MVP: variants seen among roughly 807,000 people sequenced by gnomAD.
The protein encoded by MVP is lung resistance-related protein.
A neutral mutation model predicts 83.5 loss-of-function variants in MVP; 62 were observed. That is an observed-to-expected ratio of 0.74 (90% CI 0.61 to 0.92). The LOEUF (loss-of-function observed/expected upper bound fraction) is 0.92. Among genes scored for constraint, MVP ranks in the 40% least tolerant of loss-of-function variants. The pLI is 0.00. For synonymous variants in MVP, 505 were observed against 504.1 expected, an observed-to-expected ratio of 1.00 and a Z score of -0.02; for missense variants, 1,000 against 1,203.4, an observed-to-expected ratio of 0.83 and a Z score of 2.50.
intron 3 of MVP, 154 bp from the exon 4 acceptor site, chr16:29,833,579 G>C: frequency 1.0e-6 from 1 of 960,854 alleles, no homozygotes; most frequent in Non-Finnish European, 1.5e-6. Context: ...CAAAGTTCTG[G>C]GATGACAGGT....
rs1464452908 is a variant in MVP, at chr16:29,833,715, C to T, written c.322-18C>T. ...CACAGCACTGATGGTTCTGTGTCTC[C>T]ACCTTCTTCCCCACTAGGACATCAC... On this transcript the variant is annotated intron_variant, in intron 3 of 14. Coordinates refer to ENST00000357402, the MANE Select transcript of MVP (RefSeq NM_005115.5). 2 of 1,613,750 alleles carry T rather than the reference C, an allele frequency of 1.2e-6. No homozygotes were observed. The highest frequency in any genetic ancestry group is 2.2e-5 in the South Asian group (2 of 91,050).
chr16:29,831,657 C>T (rs1020737422), intron 3 of MVP: 2 of 456,024 alleles, frequency 4.4e-6, no homozygotes, highest in Admixed American at 2.3e-5. Context: ...CCAGAGCCTA[C>T]CAGAAGTGCC....
chr16:29,840,282 G>A lies in MVP; in HGVS notation c.1014G>A (p.Gln338=). Residue 338 remains glutamine (Q), a synonymous_variant, in exon 8 of 15, where the codon CAG becomes CAA. Coordinates refer to ENST00000357402, the MANE Select transcript of MVP (RefSeq NM_005115.5). The part of the protein sequence containing the change: ...EQQGLLLRAL[Q]PLEEGEDEEK... ...AGGGGCTGCTGCTGAGGGCCCTGCA[G>A]CCCCTGGAGGAGGGGGAGGATGAGG... 1 of 1,613,812 alleles carries A rather than the reference G, an allele frequency of 6.2e-7. No homozygotes were observed. Among genetic ancestry groups the A allele is most frequent in the Non-Finnish European group, 8.5e-7 (1 of 1,179,894 alleles).
chr16:29,843,969 G>A (rs370152011), intron 10 of MVP, among the ~76,000 whole-genome samples: 3 of 151,990 alleles, frequency 2.0e-5, no homozygotes, highest in Admixed American at 6.6e-5. Context: ...CCCTGATGGC[G>A]GCAGACAGCT....
intron 1 of MVP, among the ~76,000 whole-genome samples, chr16:29,826,348 C>T (rs1415738784): frequency 6.6e-6 from 1 of 152,182 alleles, no homozygotes; most frequent in Non-Finnish European, 1.5e-5. Flanking sequence ...ATCCAGGCAT[C>T]CTGGCTGGGT....
rs1204901850 is a variant in MVP, at chr16:29,830,646, A to G, written c.97A>G (p.Lys33Glu). The part of the protein sequence containing the change: ...SNVSRVEVGP[K>E]TYIRQDNERV... Reference sequence around the variant, plus strand: ...CGTGTCCCGTGTGGAGGTCGGGCCAAAGACCTACATCCGGCAGGACAATGA... The same window carrying G: ...CGTGTCCCGTGTGGAGGTCGGGCCAGAGACCTACATCCGGCAGGACAATGA... The change falls in exon 2 of 15, where the codon AAG becomes GAG. Residue 33 changes from lysine (K) to glutamate (E), a missense_variant. By Grantham distance (56) the Lys-to-Glu change is moderately conservative. Coordinates refer to ENST00000357402, the MANE Select transcript of MVP (RefSeq NM_005115.5). 5 of 1,613,354 alleles carry G rather than the reference A, an allele frequency of 3.1e-6. No individual in the cohort carries two copies. The African/African-American group carries it at 6.7e-5, about 22-fold the overall frequency.
chr16:29,844,828 G>A lies in MVP; in HGVS notation c.1970G>A (p.Ser657Asn). Residue 657 changes from serine (S) to asparagine (N), a missense_variant, in exon 11 of 15, where the codon AGC (serine) becomes AAC (asparagine). Transcript: ENST00000357402. ...DQRTRDALQR[S>N]VQLAIEITTN... ...AGGACCCGGGACGCCCTGCAACGCA[G>A]CGTCCAGCTGGCCATCGAGATCACC... 6.2e-7 allele frequency: 1 copy of A among 1,607,124 alleles called. No homozygotes were observed. Among genetic ancestry groups the A allele is most frequent in the Non-Finnish European group, 8.5e-7 (1 of 1,179,926 alleles).
rs199670990 is a variant in MVP at position 29,840,233 on chromosome 16, A to T, written c.965A>T (p.Asp322Val). The change falls in exon 8 of 15, where the codon GAT (aspartate) becomes GTT (valine). Residue 322 changes from aspartate (D) to valine (V), a missense_variant. Transcript: ENST00000357402. ...GAGCAGCTGGAACAAGGCATCCAGGATGTGTATGTGCTGTCGGAGCAGCAG... is the reference window on the plus strand; with the variant it reads ...GAGCAGCTGGAACAAGGCATCCAGGTTGTGTATGTGCTGTCGGAGCAGCAG... ...PGEQLEQGIQ[D>V]VYVLSEQQGL... 55 of 1,613,662 alleles carry T rather than the reference A, an allele frequency of 3.4e-5. No individual in the cohort carries two copies. Among genetic ancestry groups the T allele is most frequent in the Non-Finnish European group, 4.4e-5 (52 of 1,179,904 alleles).
chr16:29,838,947 G>A (rs965009400), intron 7 of MVP, among the ~76,000 whole-genome samples: 1 of 152,190 alleles, frequency 6.6e-6, no homozygotes. Context: ...AACACTTTAG[G>A]AGGCTGAGGT....
intron 8 of MVP, among the ~76,000 whole-genome samples, chr16:29,840,707 C>T (rs1349825228): frequency 7.2e-5 from 11 of 152,028 alleles, no homozygotes. Flanking sequence ...TTTGGGAGGC[C>T]GAGGCGGGCG....
In MVP at chr16:29,831,057, G is replaced by A. The variant is rs763814505; in HGVS notation, c.305G>A (p.Gly102Glu). ...CAGGACCCCTTCCCCCTGTACCCAG[G>A]GGAGGTGCTGGAAAAGGTACCTGGT... ...LAQDPFPLYP[G>E]EVLEKDITPL... The change falls in exon 3 of 15, where the codon GGG becomes GAG. Residue 102 changes from glycine (G) to glutamate (E), a missense_variant. Gly to Glu is a moderately conservative substitution (Grantham distance 98, BLOSUM62 -2). Transcript: ENST00000357402. 1 of 1,612,314 alleles carries A rather than the reference G, an allele frequency of 6.2e-7. No individual in the cohort carries two copies. Among genetic ancestry groups the A allele is most frequent in the Admixed American group, 1.7e-5 (1 of 59,986 alleles).
chr16:29,847,603 TG>T (rs2067596883), intron 14 of MVP, among the ~76,000 whole-genome samples, 158 bp from the exon 15 acceptor site: 1 of 152,072 alleles, frequency 6.6e-6, no homozygotes, highest in South Asian at 2.1e-4. Context: ...AGACAGGAAA[TG>T]GATGGGACGC....
At chr16:29,839,925 C>T (rs992885818) in intron 7 of MVP, among the ~76,000 whole-genome samples, 1 of 151,708 alleles carries the variant, frequency 6.6e-6, no homozygotes, top group Middle Eastern at 3.4e-3. Flanking sequence ...AATGGTTTAG[C>T]TTGCGTGGAT....
At position 29,836,900 on chromosome 16, in the gene MVP, T is replaced by TTC. The variant is rs1414867463; in HGVS notation, c.854_855dup (p.Asp286SerfsTer50). 1 of 1,614,066 alleles carries TTC rather than the reference T, an allele frequency of 6.2e-7. No individual in the cohort carries two copies. The highest frequency in any genetic ancestry group is 8.5e-7 in the Non-Finnish European group (1 of 1,179,996). On this transcript the variant is annotated frameshift_variant, in exon 7 of 15. Transcript: ENST00000357402. LOFTEE classifies it high-confidence loss of function. Reference sequence around the variant, plus strand: ...CTGGGCCCCCACAACTACTGCGTGATTCTCGACCCTGTCGGACCGGATGGC... The same window carrying TTC: ...CTGGGCCCCCACAACTACTGCGTGATTCTCTCGACCCTGTCGGACCGGATGGC...
intron 1 of MVP, among the ~76,000 whole-genome samples, chr16:29,821,797 T>C (rs2067363566): frequency 1.3e-5 from 2 of 152,330 alleles, no homozygotes; most frequent in South Asian, 4.1e-4. Flanking sequence ...TGGCACAGAT[T>C]AAGCTCATCT....
chr16:29,844,362 G>T, intron 10 of MVP, 131 bp from the exon 11 acceptor site: 1 of 1,222,218 alleles, frequency 8.2e-7, no homozygotes, highest in Middle Eastern at 2.6e-4. Context: ...ACTTTGGGAG[G>T]CTGAGGTTGG....
At chr16:29,833,629 A>G in intron 3 of MVP, 104 bp from the exon 4 acceptor site, 1 of 1,503,410 alleles carries the variant, frequency 6.7e-7, no homozygotes, top group Non-Finnish European at 9.1e-7. Flanking sequence ...GTCTTATTTC[A>G]GGACATACAG....
intron 1 of MVP, among the ~76,000 whole-genome samples, chr16:29,826,686 G>C (rs1321434397): frequency 6.6e-6 from 1 of 151,532 alleles, no homozygotes; most frequent in Non-Finnish European, 1.5e-5. Context: ...ACTTTGGGAG[G>C]CCGAGGCGGG....
Position 29,845,862 on chromosome 16 carries a change from G to A in MVP, c.2022-1G>A, listed in dbSNP as rs2067580065. ...TCTCACCTGCGCTCCGTCTCCTCCA[G>A]GCATGAGGCTCAGAGACTGGAGCAG... On this transcript the variant is annotated splice_acceptor_variant, in intron 11 of 14. Coordinates refer to ENST00000357402, the MANE Select transcript of MVP (RefSeq NM_005115.5). LOFTEE classifies it high-confidence loss of function. 6.2e-7 allele frequency: 1 copy of A among 1,613,672 alleles called. No homozygotes were observed. The highest frequency in any genetic ancestry group is 1.3e-5 in the African/African-American group (1 of 74,922).
Sources: allele counts gnomAD v4.1 joint callset (sites outside exome capture counted in the v4.1 genomes callset), GRCh38; gene constraint gnomAD v4.1.1; transcripts MANE v1.5; gene names NCBI Gene and HGNC (gene_info 2026-07-23, HGNC 2026-07-21).